The following AUTS2 variants were observed in gnomAD, a reference collection of about 807,000 sequenced individuals.
AUTS2 encodes activator of transcription and developmental regulator AUTS2.
Under a neutral mutation model 112.4 loss-of-function variants are expected in AUTS2, and 17 were observed. That is an observed-to-expected ratio of 0.15 (90% CI 0.10 to 0.23). AUTS2 has a LOEUF of 0.23. AUTS2 is among the 10% of genes least tolerant of loss of function. AUTS2 has a pLI of 1.00. For synonymous variants in AUTS2, 751 were observed against 702.7 expected, an observed-to-expected ratio of 1.07 and a Z score of -1.09; for missense variants, 1,510 against 1,701.6, an observed-to-expected ratio of 0.89 and a Z score of 1.98.
At chr7:70,108,310 G>C (rs1804880450) in intron 2 of AUTS2, among the ~76,000 whole-genome samples, 1 of 152,140 alleles carries the variant, frequency 6.6e-6, no homozygotes, top group South Asian at 2.1e-4. Context: ...ACAAATTCTA[G>C]ATGCTCATAA....
intron 16 of AUTS2, 90 bp downstream of exon 16, chr7:70,785,109 T>C (rs949977313): frequency 2.6e-5 from 36 of 1,368,470 alleles, no homozygotes; most frequent in Admixed American, 5.2e-5. Context: ...CCGGGCAAGC[T>C]GGTGGGAGTC....
intron 2 of AUTS2, among the ~76,000 whole-genome samples, chr7:69,932,540 G>C (rs898184287): frequency 6.6e-6 from 1 of 152,184 alleles, no homozygotes; most frequent in African/African-American, 2.4e-5. Flanking sequence ...CTAAGATATT[G>C]GAGAATTGCA....
At chr7:70,589,915 C>G (rs1042736613) in intron 5 of AUTS2, among the ~76,000 whole-genome samples, 1 of 152,114 alleles carries the variant, frequency 6.6e-6, no homozygotes, top group African/African-American at 2.4e-5. Context: ...TGCTGTTCCC[C>G]ACTCAAACAC....
At chr7:70,266,219 A>C (rs1787414790) in intron 4 of AUTS2, among the ~76,000 whole-genome samples, 1 of 152,224 alleles carries the variant, frequency 6.6e-6, no homozygotes, top group Admixed American at 6.5e-5. Context: ...ATAAGAAAGA[A>C]TGGAGTACCA....
At chr7:70,519,792 T>C (rs530286748) in intron 5 of AUTS2, among the ~76,000 whole-genome samples, 127 of 152,268 alleles carry the variant, frequency 8.3e-4, no homozygotes, top group African/African-American at 2.9e-3. Flanking sequence ...CATATCACTT[T>C]ACTTAATATG....
intron 2 of AUTS2, among the ~76,000 whole-genome samples, chr7:69,986,842 C>G (rs1269131903): frequency 6.6e-6 from 1 of 152,160 alleles, no homozygotes; most frequent in Non-Finnish European, 1.5e-5. Context: ...AACAAATTAG[C>G]AAGCAGTTGT....
intron 1 of AUTS2, among the ~76,000 whole-genome samples, chr7:69,682,557 T>G (rs1796847714): frequency 6.6e-6 from 1 of 152,242 alleles, no homozygotes; most frequent in South Asian, 2.1e-4. Context: ...TACTAGCCTC[T>G]TCAATACTCA....
At position 70,764,832 on chromosome 7, in the gene AUTS2, C is replaced by A. The variant is rs767529359; in HGVS notation, c.1295C>A (p.Pro432His). 1.4e-4 allele frequency: 185 copies of A among 1,346,850 alleles called. 4 individuals are homozygous for A. The highest frequency in any genetic ancestry group is 1.2e-3 in the Admixed American group (60 of 51,468). 83.4% of individuals were successfully genotyped at this position (1,346,850 alleles called of 1,614,324 possible). A position where few individuals can be genotyped will look rare whatever the true frequency, so the allele number is the denominator to read the frequency against. Residue 432 changes from proline to histidine, a missense_variant, in exon 8 of 19, where the codon CCC becomes CAC. Transcript: ENST00000342771. The stretch of plus-strand genomic sequence containing the variant: ...CACCACCCCTCTGCCTCCCCGTTCC[C>A]CCTCTCCCTGCCCAACCACAGCCCC... ...ISHHPSASPF[P>H]LSLPNHSPLH... is the part of the protein sequence containing the mutation.
At chr7:69,777,549 CACT>C (rs1333397205) in intron 1 of AUTS2, among the ~76,000 whole-genome samples, 1 of 152,126 alleles carries the variant, frequency 6.6e-6, no homozygotes, top group Non-Finnish European at 1.5e-5. Flanking sequence ...GCTCTACAGG[CACT>C]ACTGTTTTAC....
intron 1 of AUTS2, among the ~76,000 whole-genome samples, chr7:69,710,702 A>G (rs1798280140): frequency 6.6e-6 from 1 of 152,392 alleles, no homozygotes; most frequent in Middle Eastern, 3.4e-3. Context: ...ATCTTTAAGA[A>G]GATGGCTCGA....
At chr7:70,114,899 A>C (rs1805279131) in intron 2 of AUTS2, among the ~76,000 whole-genome samples, 1 of 152,200 alleles carries the variant, frequency 6.6e-6, no homozygotes, top group Admixed American at 6.5e-5. Flanking sequence ...TACTGTAGTC[A>C]GTTCATTTCT....
At chr7:69,748,466 T>C (rs17353017) in intron 1 of AUTS2, among the ~76,000 whole-genome samples, 9,724 of 152,240 alleles carry the variant, frequency 0.064, 342 homozygotes, top group East Asian at 0.13. Context: ...GGTTATAAAA[T>C]TGAAAAAGCC....
At chr7:70,048,943 C>T (rs894381951) in intron 2 of AUTS2, among the ~76,000 whole-genome samples, 2 of 152,180 alleles carry the variant, frequency 1.3e-5, no homozygotes, top group Admixed American at 1.3e-4. Context: ...AACTTACTAT[C>T]TGTGCATCAT....
chr7:70,640,116 G>A (rs1203085502), intron 5 of AUTS2, among the ~76,000 whole-genome samples: 1 of 152,082 alleles, frequency 6.6e-6, no homozygotes, highest in Non-Finnish European at 1.5e-5. Flanking sequence ...CCTATGGGAT[G>A]CATTTTGGTG....
chr7:70,758,300 T>C (rs57845230), intron 6 of AUTS2, among the ~76,000 whole-genome samples: 3,078 of 152,252 alleles, frequency 0.02, 113 homozygotes, highest in African/African-American at 0.069. Flanking sequence ...ACTATTTCAT[T>C]GTGTCTGTAG....
intron 1 of AUTS2, among the ~76,000 whole-genome samples, chr7:69,855,945 A>T (rs1241728613): frequency 6.6e-6 from 1 of 152,064 alleles, no homozygotes; most frequent in Non-Finnish European, 1.5e-5. Flanking sequence ...CCATGGCATG[A>T]CTTCCATTTT....
chr7:70,524,043 C>G (rs533134125), intron 5 of AUTS2, among the ~76,000 whole-genome samples: 1 of 152,338 alleles, frequency 6.6e-6, no homozygotes, highest in African/African-American at 2.4e-5. Context: ...GTTATTCGAA[C>G]AAAATGGTTA....
intron 5 of AUTS2, among the ~76,000 whole-genome samples, chr7:70,686,343 T>C (rs1010346093): frequency 6.6e-6 from 1 of 152,190 alleles, no homozygotes; most frequent in Admixed American, 6.5e-5. Flanking sequence ...CCATACTTTC[T>C]AGATGTGGAA....
chr7:70,100,429 A>AT (rs59053495), intron 2 of AUTS2, among the ~76,000 whole-genome samples: 3,956 of 145,492 alleles, frequency 0.027, 198 homozygotes, highest in African/African-American at 0.092. Context: ...CGGTTGTACC[A>AT]TTTTTTTTTT....
Sources: allele counts gnomAD v4.1 joint callset (sites outside exome capture counted in the v4.1 genomes callset), GRCh38; gene constraint gnomAD v4.1.1; transcripts MANE v1.5; gene names NCBI Gene and HGNC (gene_info 2026-07-23, HGNC 2026-07-21).